MCCC1: variants seen among roughly 807,000 people sequenced by gnomAD.
MCCC1 encodes the protein methylcrotonoyl-CoA carboxylase subunit alpha, mitochondrial.
In MCCC1, 64 loss-of-function variants were observed where a neutral mutation model predicts 83.8. The observed-to-expected ratio is 0.76, with a 90% confidence interval of 0.62 to 0.94. The LOEUF is 0.94. Among genes scored for constraint, MCCC1 ranks in the 40% least tolerant of loss-of-function variants. The pLI is 0.00. For synonymous variants in MCCC1, 322 were observed against 315.4 expected (o/e 1.02, Z -0.22); for missense variants, 807 against 904.7 (o/e 0.89, Z 1.39).
intron 5 of MCCC1, 48 bp from the exon 6 acceptor site, chr3:183,071,405 T>C: frequency 1.2e-6 from 2 of 1,613,264 alleles, no homozygotes; most frequent in Non-Finnish European, 1.7e-6. Flanking sequence ...TACAAATTAT[T>C]TCATTCAAGA....
chr3:183,108,272 G>C (rs1719438283), intron 1 of MCCC1, among the ~76,000 whole-genome samples: 1 of 152,068 alleles, frequency 6.6e-6, no homozygotes, highest in Admixed American at 6.6e-5. Context: ...TGTTCATCTG[G>C]TATTTCCTCA....
At chr3:183,047,919 C>T (rs1028311733) in intron 9 of MCCC1, among the ~76,000 whole-genome samples, 2 of 152,266 alleles carry the variant, frequency 1.3e-5, no homozygotes, top group South Asian at 4.1e-4. Context: ...ATATTTGAAA[C>T]AATAATAACA....
At chr3:183,015,907 T>C (rs1489583969) in intron 18 of MCCC1, among the ~76,000 whole-genome samples, 2 of 149,662 alleles carry the variant, frequency 1.3e-5, no homozygotes, top group Admixed American at 1.3e-4. Context: ...GTTTGCTTGC[T>C]TTTGTTTTTT....
chr3:183,049,939 G>C (rs1321180099), intron 9 of MCCC1, among the ~76,000 whole-genome samples: 1 of 152,152 alleles, frequency 6.6e-6, no homozygotes, highest in African/African-American at 2.4e-5. Flanking sequence ...GGCAATACAG[G>C]GGGACCCTGT....
chr3:183,029,972 T>G (rs1712915485), intron 14 of MCCC1, among the ~76,000 whole-genome samples: 1 of 152,174 alleles, frequency 6.6e-6, no homozygotes, highest in South Asian at 2.1e-4. Flanking sequence ...TTCTCCTCCA[T>G]GGACGGCCTG....
intron 8 of MCCC1, among the ~76,000 whole-genome samples, chr3:183,055,968 T>A (rs941166327): frequency 6.6e-6 from 1 of 152,170 alleles, no homozygotes; most frequent in Admixed American, 6.6e-5. Flanking sequence ...TTCAGGATGA[T>A]AAGCAATCTG....
At chr3:183,021,275 A>G (rs2108439728) in intron 16 of MCCC1, among the ~76,000 whole-genome samples, 1 of 152,276 alleles carries the variant, frequency 6.6e-6, no homozygotes, top group South Asian at 2.1e-4. Context: ...CCCAGGCTGG[A>G]GTGCAGTGGC....
intron 8 of MCCC1, among the ~76,000 whole-genome samples, chr3:183,055,073 G>A (rs1054851964): frequency 2.6e-5 from 4 of 152,106 alleles, no homozygotes; most frequent in African/African-American, 9.7e-5. Context: ...ATGCATGACT[G>A]TATTATATTT....
chr3:183,027,750 C>T lies in MCCC1; in HGVS notation c.1682-1946G>A, dbSNP rs192722859. On this transcript the variant is annotated intron_variant, in intron 14 of 18. Coordinates refer to ENST00000265594, the MANE Select transcript of MCCC1 (RefSeq NM_020166.5). ...AGAAGATCAAACCAGCCACAACATTCCCTTAAGCCAAAGTCAATCCAGAGC... is the reference window on the plus strand; with the variant it reads ...AGAAGATCAAACCAGCCACAACATTTCCTTAAGCCAAAGTCAATCCAGAGC... Among the ~76,000 whole-genome samples the T allele has an allele frequency of 6.6e-5, 10 of 152,296 alleles. No homozygotes were observed. In the East Asian group the frequency reaches 1.5e-3, roughly 23 times the overall value.
intron 4 of MCCC1, among the ~76,000 whole-genome samples, chr3:183,081,171 T>G (rs1299347090): frequency 2.0e-5 from 3 of 152,222 alleles, no homozygotes; most frequent in Non-Finnish European, 4.4e-5. Context: ...CAAACCATGA[T>G]GTTCTTGAGC....
At position 183,099,483 on chromosome 3, in the gene MCCC1, C is replaced by A; in HGVS notation, c.-43G>T. On this transcript the variant is annotated 5_prime_UTR_variant, in exon 1 of 19. Transcript: ENST00000265594. ...ACTCCGTGACTCCCCAGTACAGAGG[C>A]AGCTGCGTCCCACACGCCAAACCCG... 2 of 1,568,166 alleles carry A rather than the reference C, an allele frequency of 1.3e-6. No homozygotes were observed. Among genetic ancestry groups the A allele is most frequent in the East Asian group, 2.4e-5 (1 of 42,148 alleles).
chr3:183,111,634 T>G (rs1345586217), intron 1 of MCCC1, among the ~76,000 whole-genome samples: 1 of 152,202 alleles, frequency 6.6e-6, no homozygotes, highest in Non-Finnish European at 1.5e-5. Flanking sequence ...AAGTGATACA[T>G]GCATGTGAGT....
At chr3:183,015,681 GTCA>G in intron 18 of MCCC1, 115 bp from the exon 19 acceptor site, 1 of 1,264,492 alleles carries the variant, frequency 7.9e-7, no homozygotes, top group Admixed American at 1.7e-5. Context: ...TTGATGTTTT[GTCA>G]TCTCTCGGTG....
chr3:183,042,119 T>C (rs1714140069), intron 10 of MCCC1, among the ~76,000 whole-genome samples: 1 of 151,050 alleles, frequency 6.6e-6, no homozygotes, highest in Non-Finnish European at 1.5e-5. Flanking sequence ...CCCAAATCAA[T>C]TTTTTTTAAA....
chr3:183,113,062 A>C (rs140828584), intron 1 of MCCC1, among the ~76,000 whole-genome samples: 5,022 of 151,952 alleles, frequency 0.033, 280 homozygotes, highest in African/African-American at 0.12. Flanking sequence ...CGTCTCTACT[A>C]AAAATACAAA....
rs1366381048 is a variant in MCCC1 at position 183,017,322 on chromosome 3, C to T, written c.1993G>A (p.Gly665Arg). The T allele has an allele frequency of 1.2e-6, 2 of 1,613,710 alleles. No individual in the cohort carries two copies. The highest frequency in any genetic ancestry group is 1.3e-5 in the African/African-American group (1 of 74,906). ...GTIEKVFVKA[G>R]DKVKAGDSLM... The stretch of plus-strand genomic sequence containing the variant: ...GAATCTCCCGCTTTCACTTTGTCTC[C>T]AGCTTTGACAAACACCTTGAGATTC... The change falls in exon 18 of 19, where the codon GGA (glycine) becomes AGA (arginine). Residue 665 changes from glycine to arginine, a missense_variant. Gly to Arg is a moderately radical substitution (Grantham distance 125, BLOSUM62 -2). Transcript: ENST00000265594.
At chr3:183,071,617 A>G (rs1023366789) in intron 5 of MCCC1, among the ~76,000 whole-genome samples, 4 of 152,194 alleles carry the variant, frequency 2.6e-5, no homozygotes, top group African/African-American at 4.8e-5. Flanking sequence ...CTGTAACTCA[A>G]TAGAATTTCT....
intron 7 of MCCC1, among the ~76,000 whole-genome samples, 176 bp from the exon 8 acceptor site, chr3:183,057,598 G>A (rs1455339862): frequency 6.6e-6 from 1 of 152,182 alleles, no homozygotes; most frequent in African/African-American, 2.4e-5. Flanking sequence ...AGAACCACAG[G>A]CCAAATGAGA....
At position 183,017,123 on chromosome 3, in the gene MCCC1, G is replaced by T. The variant is rs377196173; in HGVS notation, c.2049+143C>A. On this transcript the variant is annotated intron_variant, in intron 18 of 18. Coordinates refer to ENST00000265594, the MANE Select transcript of MCCC1 (RefSeq NM_020166.5). ...CTCTTTTCTACAAGAAGGATAGTTT[G>T]GTTTTGTTTCCTACAATTAATGCTT... The T allele has an allele frequency of 1.7e-5, 13 of 751,792 alleles. No homozygotes were observed. In the African/African-American group the frequency reaches 1.7e-4, roughly 10 times the overall value. The allele number at this position is 751,792 out of a possible 1,614,324, so 46.6% of individuals were successfully genotyped here. A position where few individuals can be genotyped will look rare whatever the true frequency, so the allele number is the denominator to read the frequency against.
Sources: allele counts gnomAD v4.1 joint callset (sites outside exome capture counted in the v4.1 genomes callset), GRCh38; gene constraint gnomAD v4.1.1; transcripts MANE v1.5; gene names NCBI Gene and HGNC (gene_info 2026-07-23, HGNC 2026-07-21).